The following P2RY10 variants were observed in gnomAD, a reference collection of about 807,000 sequenced individuals.
P2RY10 encodes P2Y receptor family member 10.
Under a neutral mutation model 12.1 loss-of-function variants are expected in P2RY10, and 4 were observed. The observed-to-expected ratio is 0.33, with a 90% CI of 0.16 to 0.76. The LOEUF is 0.76. Ranked by LOEUF, P2RY10 falls within the 30% of genes least tolerant of loss-of-function variation. The probability of loss-of-function intolerance (pLI) is 0.61; values close to 1 mark genes in which losing one functional copy is unlikely to be tolerated. For missense variants in P2RY10, 233 were observed against 264.6 expected, an observed-to-expected ratio of 0.88 and a Z score of 0.83; for synonymous variants, 112 against 94.1, an observed-to-expected ratio of 1.19 and a Z score of -1.10.
At chrX:78,951,495 T>A (rs1922097953) in intron 2 of P2RY10, among the ~76,000 whole-genome samples, 2 of 111,609 alleles carry the variant, frequency 1.8e-5, no homozygotes, top group Non-Finnish European at 3.8e-5. Context: ...GCCTATGCTC[T>A]GTAGTCTTAC....
chrX:78,959,800 G>T (rs1483913527), intron 3 of P2RY10, among the ~76,000 whole-genome samples: 1 of 111,606 alleles, frequency 9.0e-6, no homozygotes, highest in African/African-American at 3.3e-5. Context: ...TCCCCTCCAA[G>T]ATTATATGAA....
Position 78,961,393 on chromosome X carries a change from G to A in P2RY10, c.873G>A (p.Leu291=). The part of the protein sequence containing the change: ...RIALYFHPFC[L]CLASLCCLLD... ...CACTGTATTTCCACCCTTTTTGCCT[G>A]TGCCTTGCAAGTCTCTGCTGCCTTT... Residue 291 remains leucine (L), a synonymous_variant, in exon 4 of 4, where the codon CTG becomes CTA. Transcript: ENST00000171757. The A allele has an allele frequency of 8.3e-7, 1 of 1,211,232 alleles. No individual in the cohort carries two copies. Among genetic ancestry groups the A allele is most frequent in the Non-Finnish European group, 1.1e-6 (1 of 895,234 alleles).
Position 78,963,687 on chromosome X carries a change from G to A in P2RY10, c.*2147G>A, listed in dbSNP as rs1922746119. Among the ~76,000 whole-genome samples the A allele has an allele frequency of 8.9e-6, 1 of 112,050 alleles. No homozygotes were observed. Among genetic ancestry groups the A allele is most frequent in the Non-Finnish European group, 1.9e-5 (1 of 53,207 alleles). ...GACATGTGAATCTCTAATGTGGTGA[G>A]AGAGAAAAACATAAAAATATAAAAA... On this transcript the variant is annotated 3_prime_UTR_variant, in exon 4 of 4. Coordinates refer to ENST00000171757, the MANE Select transcript of P2RY10 (RefSeq NM_014499.4).
intron 3 of P2RY10, among the ~76,000 whole-genome samples, chrX:78,957,383 CACACAGAG>C (rs755608196): frequency 4.8e-4 from 47 of 97,715 alleles, no homozygotes; most frequent in Non-Finnish European, 7.4e-4. Context: ...CACACACACA[CACACAGAG>C]AGAGAGAGAG....
In P2RY10 at chrX:78,961,018, A is replaced by G. The variant is rs777030930; in HGVS notation, c.498A>G (p.Pro166=). 4.6e-5 allele frequency: 56 copies of G among 1,209,837 alleles called. No individual in the cohort carries two copies. The South Asian group carries it at 9.0e-4, about 19-fold the overall frequency. ...TCGTTGTGGGGACTGCCTGTTTGCC[A>G]TTTCCCATCCTGAGAAGCACAGACT... ...IWIVVGTACL[P]FPILRSTDLN... Residue 166 remains proline, a synonymous_variant, in exon 4 of 4, where the codon CCA becomes CCG. Transcript: ENST00000171757.
chrX:78,961,592 T>C lies in P2RY10; in HGVS notation c.*52T>C, dbSNP rs1922628913. On this transcript the variant is annotated 3_prime_UTR_variant, in exon 4 of 4. Coordinates refer to ENST00000171757, the MANE Select transcript of P2RY10 (RefSeq NM_014499.4). ...TTTGTTTACCTACGTTCCTTGTCTT[T>C]TTCCAAAGGCCAGAATTGTCAACCA... 3 of 943,814 alleles carry C rather than the reference T, an allele frequency of 3.2e-6. No individual in the cohort carries two copies. The highest frequency in any genetic ancestry group is 2.0e-5 in the African/African-American group (1 of 50,938). The allele number at this position is 943,814 out of a possible 1,213,427, so 77.8% of individuals were successfully genotyped here.
At chrX:78,955,425 T>A (rs1476444119) in intron 3 of P2RY10, among the ~76,000 whole-genome samples, 1 of 112,450 alleles carries the variant, frequency 8.9e-6, no homozygotes, top group Non-Finnish European at 1.9e-5. Flanking sequence ...AAAGCTTATA[T>A]ACCATCTTGA....
rs971236385 is a variant in P2RY10, at chrX:78,946,985, A to G, written c.-205-830A>G. On this transcript the variant is annotated intron_variant, in intron 1 of 3. Transcript: ENST00000171757. ...TTCCAGCATTTTGGGAGGCCGAGAC[A>G]GGTGGATCACCTGAGGTCAGGAGTT... Among the ~76,000 whole-genome samples the G allele has an allele frequency of 2.7e-5, 3 of 111,700 alleles. No homozygotes were observed. In the Admixed American group the frequency reaches 2.8e-4, roughly 11 times the overall value.
intron 3 of P2RY10, among the ~76,000 whole-genome samples, chrX:78,956,427 CT>C: frequency 9.0e-6 from 1 of 111,412 alleles, no homozygotes; most frequent in East Asian, 2.8e-4. Context: ...AAACTTTGAA[CT>C]ATTGTTTAAG....
chrX:78,961,107 T>C lies in P2RY10; in HGVS notation c.587T>C (p.Val196Ala). 1 of 1,211,213 alleles carries C rather than the reference T, an allele frequency of 8.3e-7. No homozygotes were observed. Among genetic ancestry groups the C allele is most frequent in the Non-Finnish European group, 1.1e-6 (1 of 895,191 alleles). Reference sequence around the variant, plus strand: ...AAGCAAATGAATGCAGTTGCGTTGGTCGGGATGATTACAGTTGCTGAGCTT... The same window carrying C: ...AAGCAAATGAATGCAGTTGCGTTGGCCGGGATGATTACAGTTGCTGAGCTT... Reference protein sequence around the residue: ...GYKQMNAVALVGMITVAELAG... With the variant: ...GYKQMNAVALAGMITVAELAG... Residue 196 changes from valine to alanine, a missense_variant, in exon 4 of 4, where the codon GTC (valine) becomes GCC (alanine). Coordinates refer to ENST00000171757, the MANE Select transcript of P2RY10 (RefSeq NM_014499.4).
At chrX:78,949,154 T>G (rs764696013) in intron 2 of P2RY10, among the ~76,000 whole-genome samples, 3 of 111,860 alleles carry the variant, frequency 2.7e-5, no homozygotes, top group Non-Finnish European at 5.6e-5. Context: ...ATGTGGAGCA[T>G]TTTTTCGTGT....
In P2RY10 at chrX:78,960,574, C is replaced by A. The variant is rs762400578; in HGVS notation, c.54C>A (p.Thr18=). 4 of 1,207,052 alleles carry A rather than the reference C, an allele frequency of 3.3e-6. No homozygotes were observed. In the East Asian group the frequency reaches 1.2e-4, roughly 36 times the overall value. ...CATTCAAGATGGGTAGCAACAGTAC[C>A]AGCACTGCTGAGATTTACTGTAATG... The part of the protein sequence containing the change: ...TETFKMGSNS[T]STAEIYCNVT... Residue 18 remains threonine, a synonymous_variant, in exon 4 of 4, where the codon ACC becomes ACA. Coordinates refer to ENST00000171757, the MANE Select transcript of P2RY10 (RefSeq NM_014499.4).
chrX:78,963,043 T>C lies in P2RY10; in HGVS notation c.*1503T>C, dbSNP rs1395798919. Among the ~76,000 whole-genome samples the C allele has an allele frequency of 8.9e-6, 1 of 112,009 alleles. No individual in the cohort carries two copies. The highest frequency in any genetic ancestry group is 1.9e-5 in the Non-Finnish European group (1 of 53,241). On this transcript the variant is annotated 3_prime_UTR_variant, in exon 4 of 4. Coordinates refer to ENST00000171757, the MANE Select transcript of P2RY10 (RefSeq NM_014499.4). ...TTATTTTTTTCAAACGTTGTGGTTG[T>C]TGTTTCAGCACCATTTTAAAGAATT... is the stretch of plus-strand genomic sequence containing the variant.
rs964940 is a variant in P2RY10 at position 78,952,784 on chromosome X, C to T, written c.-14+449C>T. ...GAGTGCTGCTATAAATAAAATTATG[C>T]GTGTTAGAAAAGGACAATAGATGAA... On this transcript the variant is annotated intron_variant, in intron 3 of 3. Coordinates refer to ENST00000171757, the MANE Select transcript of P2RY10 (RefSeq NM_014499.4). Among the ~76,000 whole-genome samples, 618 of 111,643 alleles carry T rather than the reference C, an allele frequency of 5.5e-3. 6 individuals are homozygous for T. Among genetic ancestry groups the T allele is most frequent in the African/African-American group, 0.019 (590 of 30,772 alleles).
At chrX:78,953,577 A>G (rs1922203863) in intron 3 of P2RY10, among the ~76,000 whole-genome samples, 1 of 112,362 alleles carries the variant, frequency 8.9e-6, no homozygotes, top group South Asian at 3.7e-4. Context: ...TATAAATGAA[A>G]TCATCTTTGA....
At chrX:78,948,339 G>C (rs764147669) in intron 2 of P2RY10, among the ~76,000 whole-genome samples, 1 of 111,674 alleles carries the variant, frequency 9.0e-6, no homozygotes, top group East Asian at 2.8e-4. Flanking sequence ...GAAATGTACA[G>C]GATCCAACCA....
In P2RY10 at chrX:78,961,571, T is replaced by C. The variant is rs1387113077; in HGVS notation, c.*31T>C. 3 of 1,040,723 alleles carry C rather than the reference T, an allele frequency of 2.9e-6. No homozygotes were observed. The African/African-American group carries it at 5.6e-5, about 19-fold the overall frequency. The allele number at this position is 1,040,723 out of a possible 1,213,427, so 85.8% of individuals were successfully genotyped here. A position where few individuals can be genotyped will look rare whatever the true frequency, so the allele number is the denominator to read the frequency against. On this transcript the variant is annotated 3_prime_UTR_variant, in exon 4 of 4. Coordinates refer to ENST00000171757, the MANE Select transcript of P2RY10 (RefSeq NM_014499.4). Reference sequence around the variant, plus strand: ...AGATATCTCTTTAATTACGCCTTTGTTTACCTACGTTCCTTGTCTTTTTCC... The same window carrying C: ...AGATATCTCTTTAATTACGCCTTTGCTTACCTACGTTCCTTGTCTTTTTCC...
chrX:78,961,628 T>A lies in P2RY10; in HGVS notation c.*88T>A. On this transcript the variant is annotated 3_prime_UTR_variant, in exon 4 of 4. Transcript: ENST00000171757. ...CAGAATTGTCAACCAATTTCTTTAA[T>A]TGAACATTGTAAAAAACAGGAATAA... 1.5e-6 allele frequency: 1 copy of A among 676,249 alleles called. No homozygotes were observed. Among genetic ancestry groups the A allele is most frequent in the South Asian group, 2.8e-5 (1 of 35,630 alleles). The allele number at this position is 676,249 out of a possible 1,213,427, so 55.7% of individuals were successfully genotyped here.
At chrX:78,960,434 TA>T in intron 3 of P2RY10, 73 bp from the exon 4 acceptor site, 1 of 773,485 alleles carries the variant, frequency 1.3e-6, no homozygotes, top group Non-Finnish European at 1.9e-6. Context: ...TCTGTAAGTA[TA>T]AAAGAGAGAT....
Sources: gnomAD v4.1 joint callset for allele counts (sites outside exome capture counted in the v4.1 genomes callset) on GRCh38, gnomAD v4.1.1 for gene constraint, MANE v1.5 for transcripts, NCBI Gene and HGNC (gene_info 2026-07-23, HGNC 2026-07-21) for gene names.